The following LHX4 variants were observed in gnomAD, a reference collection of about 807,000 sequenced individuals.
LHX4 encodes LIM homeobox 4.
Under a neutral mutation model 39.2 loss-of-function variants are expected in LHX4, and 16 were observed. The ratio of observed to expected loss-of-function variants is 0.41; its 90% confidence interval spans 0.28 to 0.62. The LOEUF is 0.62. Ranked by LOEUF, LHX4 falls within the 20% of genes least tolerant of loss-of-function variation. LHX4 has a pLI of 0.33. For synonymous variants in LHX4, 206 were observed against 198.1 expected, an observed-to-expected ratio of 1.04 and a Z score of -0.33; for missense variants, 439 against 511.9, an observed-to-expected ratio of 0.86 and a Z score of 1.37.
Position 180,274,799 on chromosome 1 carries a change from A to G in LHX4, c.*220A>G. 1.8e-6 allele frequency: 1 copy of G among 558,604 alleles called. No individual in the cohort carries two copies. Among genetic ancestry groups the G allele is most frequent in the Non-Finnish European group, 3.1e-6 (1 of 319,686 alleles). The allele number at this position is 558,604 out of a possible 1,614,324, so 34.6% of individuals were successfully genotyped here. A position where few individuals can be genotyped will look rare whatever the true frequency, so the allele number is the denominator to read the frequency against. ...GCAGACTCATCTCAGAACACAGCAC[A>G]GGGGGTAATGGCCTAGAGCTCTAGG... On this transcript the variant is annotated 3_prime_UTR_variant, in exon 6 of 6. Transcript: ENST00000263726.
chr1:180,229,913 C>T (rs1258993163), upstream of LHX4, among the ~76,000 whole-genome samples: 13 of 144,904 alleles, frequency 9.0e-5, no homozygotes, highest in Admixed American at 9.0e-4. Flanking sequence ...AGAATTTATA[C>T]CCAGGGCGCG....
chr1:180,241,262 T>C (rs1664440029), intron 1 of LHX4, among the ~76,000 whole-genome samples: 1 of 152,234 alleles, frequency 6.6e-6, no homozygotes, highest in African/African-American at 2.4e-5. Flanking sequence ...CTGCATTGTC[T>C]GCTGTTTATA....
intron 5 of LHX4, chr1:180,273,956 C>G (rs1648854755): frequency 3.5e-6 from 2 of 577,206 alleles, no homozygotes; most frequent in Non-Finnish European, 6.2e-6. Flanking sequence ...GTCCATCCTT[C>G]TGGGACCTGG....
chr1:180,252,908 GCT>G (rs1647689791), intron 2 of LHX4, among the ~76,000 whole-genome samples: 1 of 152,192 alleles, frequency 6.6e-6, no homozygotes, highest in Admixed American at 6.5e-5. Flanking sequence ...GGGCTGTTGA[GCT>G]CTGTCTTGCT....
rs541008454 is a variant in LHX4 at position 180,270,900 on chromosome 1, C to T, written c.452-480C>T. ...AGCTCACCCCTGGCTGTGAGCCCAGCGACGCCAGGGCAAAGGTGACATGGC... is the reference window on the plus strand; with the variant it reads ...AGCTCACCCCTGGCTGTGAGCCCAGTGACGCCAGGGCAAAGGTGACATGGC... On this transcript the variant is annotated intron_variant, in intron 3 of 5. Transcript: ENST00000263726. The T allele has an allele frequency of 1.4e-4, 32 of 235,946 alleles. No individual in the cohort carries two copies. In the East Asian group the frequency reaches 2.5e-3, roughly 19 times the overall value. The allele number at this position is 235,946 out of a possible 1,614,324, so 14.6% of individuals were successfully genotyped here. A position where few individuals can be genotyped will look rare whatever the true frequency, so the allele number is the denominator to read the frequency against.
intron 1 of LHX4, 149 bp from the exon 2 acceptor site, chr1:180,248,136 T>C (rs1647459609): frequency 1.3e-6 from 1 of 754,952 alleles, no homozygotes; most frequent in Non-Finnish European, 2.3e-6. Context: ...GTGCAATGTA[T>C]AACCTGTACA....
At chr1:180,233,826 CCTT>C (rs1158221211) in intron 1 of LHX4, among the ~76,000 whole-genome samples, 1 of 152,028 alleles carries the variant, frequency 6.6e-6, no homozygotes, top group East Asian at 1.9e-4. Flanking sequence ...CTGTCCCCCT[CCTT>C]GTCTCCTAAA....
At position 180,234,213 on chromosome 1, in the gene LHX4, AT is replaced by A. The variant is rs1558207257; in HGVS notation, c.76+3609del. ...TATATATATATATATATATATATAT[AT>A]ATATATAATAGATTGAGATTCTATC... On this transcript the variant is annotated intron_variant, in intron 1 of 5. Coordinates refer to ENST00000263726, the MANE Select transcript of LHX4 (RefSeq NM_033343.4). The surrounding 1 kb of genome is among the most constrained non-coding windows in gnomAD (Gnocchi z 4.8). Among the ~76,000 whole-genome samples, 166 of 67,092 alleles carry A rather than the reference AT, an allele frequency of 2.5e-3. 3 individuals are homozygous for A. Among genetic ancestry groups the A allele is most frequent in the African/African-American group, 8.3e-3 (117 of 14,028 alleles). The allele number at this position is 67,092 out of a possible 152,430, so 44.0% of individuals were successfully genotyped here.
rs1648345274 is a variant in LHX4, at chr1:180,266,978, T to C, written c.451+384T>C. 6.6e-6 allele frequency among the ~76,000 whole-genome samples: 1 copy of C among 152,158 alleles called. No individual in the cohort carries two copies. The highest frequency in any genetic ancestry group is 1.5e-5 in the Non-Finnish European group (1 of 68,024). On this transcript the variant is annotated intron_variant, in intron 3 of 5. Coordinates refer to ENST00000263726, the MANE Select transcript of LHX4 (RefSeq NM_033343.4). This position sits in a 1 kb window ranked among gnomAD's most constrained non-coding sequence, Gnocchi z 5.7. ...GGACACGTGGGGCTGCCGCTTAGTT[T>C]TGCACATCAGGGTGCACATGGACCT...
intron 1 of LHX4, among the ~76,000 whole-genome samples, chr1:180,233,763 GC>G (rs1664235933): frequency 6.6e-6 from 1 of 152,176 alleles, no homozygotes; most frequent in Non-Finnish European, 1.5e-5. Flanking sequence ...AGAAGGAGGA[GC>G]CCCGCGGGGT....
chr1:180,271,578 G>C, intron 4 of LHX4, 44 bp downstream of exon 4: 1 of 1,610,304 alleles, frequency 6.2e-7, no homozygotes, highest in Non-Finnish European at 8.5e-7. Context: ...TCCCAGGCCC[G>C]GGACAGGGGT....
chr1:180,250,459 C>T (rs1000476166), intron 2 of LHX4, among the ~76,000 whole-genome samples: 4 of 152,126 alleles, frequency 2.6e-5, no homozygotes, highest in African/African-American at 9.7e-5. Flanking sequence ...GGGTGAGCTG[C>T]CCTGCTTCTG....
At chr1:180,250,323 T>G (rs998097103) in intron 2 of LHX4, among the ~76,000 whole-genome samples, 1 of 119,616 alleles carries the variant, frequency 8.4e-6, no homozygotes, top group Non-Finnish European at 1.8e-5. Context: ...TTCCCTGTGT[T>G]TGTGTGTGTG....
At chr1:180,258,952 A>G (rs1036842704) in intron 2 of LHX4, among the ~76,000 whole-genome samples, 1 of 152,074 alleles carries the variant, frequency 6.6e-6, no homozygotes. Context: ...GTGGTCTGAG[A>G]TGGGAAGGGC....
rs1238097361 is a variant in LHX4 at position 180,265,573 on chromosome 1, G to C, written c.249-819G>C. On this transcript the variant is annotated intron_variant, in intron 2 of 5. Transcript: ENST00000263726. ...TGGCTTGCTTGGTAGAAGCTGCCTT[G>C]GTGGCAGCAGGTAGCTTCCTTTTGC... 2.0e-5 allele frequency among the ~76,000 whole-genome samples: 3 copies of C among 152,322 alleles called. No homozygotes were observed. The East Asian group carries it at 5.8e-4, about 29-fold the overall frequency.
chr1:180,271,168 G>A, intron 3 of LHX4: 3 of 633,324 alleles, frequency 4.7e-6, no homozygotes. Context: ...AAGGACTGCT[G>A]TCCTCACTTT....
Position 180,278,447 on chromosome 1 carries a change from C to T in LHX4, c.*3868C>T, listed in dbSNP as rs1649173309. The T allele has an allele frequency of 6.6e-6, 1 of 152,116 alleles. No individual in the cohort carries two copies. The highest frequency in any genetic ancestry group is 2.1e-4 in the South Asian group (1 of 4,820). 9.4% of individuals were successfully genotyped at this position (152,116 alleles called of 1,614,324 possible). A position where few individuals can be genotyped will look rare whatever the true frequency, so the allele number is the denominator to read the frequency against. ...AAGAGAGAGCTCAGCAAAGCCATCC[C>T]ATCCACACTCTGCTTGGTAGGACCA... On this transcript the variant is annotated 3_prime_UTR_variant, in exon 6 of 6. Transcript: ENST00000263726.
intron 2 of LHX4, among the ~76,000 whole-genome samples, chr1:180,255,395 C>T (rs113422007): frequency 3.9e-4 from 59 of 152,326 alleles, no homozygotes; most frequent in African/African-American, 5.3e-4. Context: ...CACGCACACA[C>T]GCGTGCACAC....
chr1:180,250,119 T>C (rs560732614), intron 2 of LHX4, among the ~76,000 whole-genome samples: 2 of 152,264 alleles, frequency 1.3e-5, no homozygotes, highest in East Asian at 3.9e-4. Flanking sequence ...TGCTCTTCTT[T>C]CTCACAATCT....
Sources: gnomAD v4.1 joint callset for allele counts (sites outside exome capture counted in the v4.1 genomes callset) on GRCh38, gnomAD v4.1.1 for gene constraint, Gnocchi (gnomAD v3.1) non-coding constraint, MANE v1.5 for transcripts, NCBI Gene and HGNC (gene_info 2026-07-23, HGNC 2026-07-21) for gene names.